CSMD1: variants seen among roughly 807,000 people sequenced by gnomAD.
CSMD1 encodes CUB and Sushi multiple domains 1.
A neutral mutation model predicts 417.5 loss-of-function variants in CSMD1; 213 were observed. The ratio of observed to expected loss-of-function variants is 0.51; its 90% confidence interval spans 0.46 to 0.57. The LOEUF (loss-of-function observed/expected upper bound fraction) is 0.57. Ranked by LOEUF, CSMD1 falls within the 20% of genes least tolerant of loss-of-function variation. The pLI is 0.00. For synonymous variants in CSMD1, 2,862 were observed against 1,736.8 expected (o/e 1.65, Z -16.11); for missense variants, 6,923 against 4,529.7 (o/e 1.53, Z -15.17).
intron 5 of CSMD1, among the ~76,000 whole-genome samples, chr8:3,891,748 T>C (rs1427587191): frequency 1.3e-5 from 2 of 152,136 alleles, no homozygotes; most frequent in Admixed American, 6.5e-5. Flanking sequence ...TAACACTGAC[T>C]GGAGACTGAA....
intron 1 of CSMD1, among the ~76,000 whole-genome samples, chr8:4,926,385 C>T (rs1806874797): frequency 6.6e-6 from 1 of 152,020 alleles, no homozygotes; most frequent in Non-Finnish European, 1.5e-5. Context: ...ACGATATTTT[C>T]TGTATTTGTG....
chr8:3,225,205 T>A (rs998798262), intron 27 of CSMD1, among the ~76,000 whole-genome samples: 2 of 142,104 alleles, frequency 1.4e-5, no homozygotes, highest in African/African-American at 5.2e-5. Flanking sequence ...AAACTTAGCT[T>A]TTTATAGGAA....
chr8:4,926,404 G>T (rs774858081), intron 1 of CSMD1, among the ~76,000 whole-genome samples: 1 of 151,832 alleles, frequency 6.6e-6, no homozygotes, highest in Non-Finnish European at 1.5e-5. Context: ...TGAGATCTAC[G>T]CATGTGGCCG....
intron 3 of CSMD1, among the ~76,000 whole-genome samples, chr8:4,224,116 T>C (rs1801204836): frequency 6.6e-6 from 1 of 152,156 alleles, no homozygotes; most frequent in African/African-American, 2.4e-5. Flanking sequence ...TAAGAGTAAC[T>C]GAACATACCA....
At chr8:4,111,824 G>A (rs964118384) in intron 3 of CSMD1, among the ~76,000 whole-genome samples, 1 of 152,132 alleles carries the variant, frequency 6.6e-6, no homozygotes, top group African/African-American at 2.4e-5. Context: ...TATGGGGCTT[G>A]AATCCTAGGT....
chr8:3,476,143 G>C (rs1254486412), intron 11 of CSMD1, among the ~76,000 whole-genome samples: 1 of 152,180 alleles, frequency 6.6e-6, no homozygotes, highest in African/African-American at 2.4e-5. Flanking sequence ...AGGAGTTCAA[G>C]ACTAGCCTGC....
chr8:4,671,924 G>C (rs76449457), intron 1 of CSMD1, among the ~76,000 whole-genome samples: 3 of 152,154 alleles, frequency 2.0e-5, no homozygotes, highest in East Asian at 3.9e-4. Flanking sequence ...CCAGTGGAGT[G>C]GGTCAGCTTT....
At chr8:4,652,792 G>T (rs1044650703) in intron 1 of CSMD1, among the ~76,000 whole-genome samples, 3 of 152,148 alleles carry the variant, frequency 2.0e-5, no homozygotes, top group East Asian at 1.9e-4. Context: ...TGTGAAGGGT[G>T]TGGGGATGGT....
chr8:3,372,437 C>T (rs891155234), intron 18 of CSMD1, among the ~76,000 whole-genome samples: 2 of 152,092 alleles, frequency 1.3e-5, no homozygotes, highest in African/African-American at 4.8e-5. Flanking sequence ...GCTCCTGAGG[C>T]TGTGCTGAGA....
At chr8:4,051,505 C>T (rs955857060) in intron 3 of CSMD1, among the ~76,000 whole-genome samples, 1 of 152,136 alleles carries the variant, frequency 6.6e-6, no homozygotes, top group Non-Finnish European at 1.5e-5. Flanking sequence ...TCTGTATTTC[C>T]ATGACCTAGC....
chr8:3,580,749 A>G (rs1424154440), intron 9 of CSMD1, among the ~76,000 whole-genome samples: 2 of 152,178 alleles, frequency 1.3e-5, no homozygotes, highest in Non-Finnish European at 2.9e-5. Flanking sequence ...CTGATCAAAT[A>G]CACAAAATAT....
intron 3 of CSMD1, among the ~76,000 whole-genome samples, chr8:4,146,025 C>G (rs1445935194): frequency 6.6e-6 from 1 of 150,838 alleles, no homozygotes; most frequent in South Asian, 2.1e-4. Flanking sequence ...CAAAAAAAAT[C>G]TGTTGGGGAG....
intron 8 of CSMD1, among the ~76,000 whole-genome samples, chr8:3,608,448 T>A (rs919846266): frequency 6.6e-6 from 1 of 151,928 alleles, no homozygotes; most frequent in East Asian, 1.9e-4. Context: ...CTTAAAAGGA[T>A]AGAAGAATTT....
chr8:4,380,617 G>A (rs6558872), intron 3 of CSMD1, among the ~76,000 whole-genome samples: 72,901 of 151,938 alleles, frequency 0.48, 18,015 homozygotes, highest in South Asian at 0.6. Context: ...CATTCAATGC[G>A]GTACGGACTG....
chr8:2,972,986 T>C (rs1191596562), intron 57 of CSMD1, 131 bp downstream of exon 57: 5 of 878,102 alleles, frequency 5.7e-6, no homozygotes, highest in African/African-American at 1.7e-5. Context: ...TCCACAAATA[T>C]TGCGGGGAAA....
chr8:4,399,750 C>G (rs1346737959), intron 3 of CSMD1, among the ~76,000 whole-genome samples: 1 of 152,160 alleles, frequency 6.6e-6, no homozygotes, highest in African/African-American at 2.4e-5. Context: ...TTTTATACAT[C>G]AGGCTCCTGA....
chr8:4,762,658 G>C (rs1462867798), intron 1 of CSMD1, among the ~76,000 whole-genome samples: 2 of 152,068 alleles, frequency 1.3e-5, no homozygotes, highest in Non-Finnish European at 2.9e-5. Context: ...CTCTGCTGTA[G>C]CTGTGTGGTT....
rs140874927 is a variant in CSMD1 at position 2,974,186 on chromosome 8, C to T, written c.8740+265G>A. ...GAACAGGGACACACGGAGCCATGGC[C>T]GGCAAGCGTCCTCTCAAATGAGATC... On this transcript the variant is annotated intron_variant, in intron 56 of 69. Coordinates refer to ENST00000635120, the MANE Select transcript of CSMD1 (RefSeq NM_033225.6). Among the ~76,000 whole-genome samples, 1,012 of 152,236 alleles carry T rather than the reference C, an allele frequency of 6.6e-3. 8 individuals are homozygous for T. The highest frequency in any genetic ancestry group is 0.023 in the African/African-American group (959 of 41,526).
intron 1 of CSMD1, among the ~76,000 whole-genome samples, chr8:4,754,744 G>A (rs1371890723): frequency 1.3e-5 from 2 of 152,094 alleles, no homozygotes; most frequent in Non-Finnish European, 2.9e-5. Context: ...AGCTACTCAG[G>A]AGGCTGAGGC....
Sources: gnomAD v4.1 joint callset for allele counts (sites outside exome capture counted in the v4.1 genomes callset) on GRCh38, gnomAD v4.1.1 for gene constraint, MANE v1.5 for transcripts, NCBI Gene and HGNC (gene_info 2026-07-23, HGNC 2026-07-21) for gene names.